Variants in ABCC2 observed in about 807,000 individuals in gnomAD.
ABCC2 encodes the protein ATP-binding cassette sub-family C member 2.
ABCC2 carries 157 observed loss-of-function variants against 173.4 expected under a neutral mutation model. The observed-to-expected ratio is 0.91, with a 90% confidence interval of 0.80 to 1.03. The LOEUF is 1.03. Ranked by LOEUF, ABCC2 falls within the 50% of genes least tolerant of loss-of-function variation. The pLI, the probability that ABCC2 is intolerant of heterozygous loss-of-function variation, is 0.00. For missense variants in ABCC2, 1,822 were observed against 1,852.3 expected, an observed-to-expected ratio of 0.98 and a Z score of 0.30; for synonymous variants, 657 against 693.5, an observed-to-expected ratio of 0.95 and a Z score of 0.83.
At chr10:99,816,532 G>A (rs537829035) in intron 16 of ABCC2, among the ~76,000 whole-genome samples, 4 of 141,796 alleles carry the variant, frequency 2.8e-5, no homozygotes, top group African/African-American at 1.1e-4. Context: ...CGCCCACTTC[G>A]GCCTCCCAAA....
intron 1 of ABCC2, 65 bp downstream of exon 1, chr10:99,782,942 A>G: frequency 6.4e-7 from 1 of 1,555,718 alleles, no homozygotes; most frequent in South Asian, 1.1e-5. Flanking sequence ...TAGTTAGTTA[A>G]CTTAGGGTGG....
chr10:99,801,639 C>T (rs951083440), intron 9 of ABCC2, among the ~76,000 whole-genome samples: 2 of 152,326 alleles, frequency 1.3e-5, no homozygotes, highest in Admixed American at 1.3e-4. Flanking sequence ...AATGAAAATA[C>T]AGTAGTTATG....
chr10:99,837,175 G>C (rs1455467009), intron 25 of ABCC2, among the ~76,000 whole-genome samples: 2 of 124,288 alleles, frequency 1.6e-5, no homozygotes, highest in African/African-American at 6.2e-5. Flanking sequence ...CCCTCTTGTT[G>C]CCCAGGCTGG....
Position 99,793,643 on chromosome 10 carries a change from T to C in ABCC2, c.426T>C (p.Cys142=). The change falls in exon 4 of 32, where the codon TGT becomes TGC. Residue 142 remains cysteine (C), a synonymous_variant. Transcript: ENST00000647814. ...LSLFWILSIL[C]GTFQFQTLIR... The stretch of plus-strand genomic sequence containing the variant: ...TATTCTGGATTCTCTCGATACTCTG[T>C]GGCACTTTCCAATTTCAGACTCTGA... 6.2e-7 allele frequency: 1 copy of C among 1,614,116 alleles called. No individual in the cohort carries two copies. Among genetic ancestry groups the C allele is most frequent in the Non-Finnish European group, 8.5e-7 (1 of 1,179,998 alleles).
intron 16 of ABCC2, among the ~76,000 whole-genome samples, chr10:99,814,214 T>TATACACACAC: frequency 2.1e-5 from 1 of 47,216 alleles, no homozygotes; most frequent in African/African-American, 1.0e-4. Context: ...TACACACATG[T>TATACACACAC]GTATATATAC....
chr10:99,845,010 CTTTT>C (rs1362643586), intron 28 of ABCC2, among the ~76,000 whole-genome samples: 1 of 151,966 alleles, frequency 6.6e-6, no homozygotes, highest in Non-Finnish European at 1.5e-5. Context: ...AAGCATTTTT[CTTTT>C]TTCTTTATTT....
intron 19 of ABCC2, among the ~76,000 whole-genome samples, chr10:99,822,981 T>A (rs558601639): frequency 6.6e-5 from 10 of 151,980 alleles, no homozygotes; most frequent in Non-Finnish European, 1.5e-4. Flanking sequence ...AAATGTTTTT[T>A]TAACATGGGA....
rs180864772 is a variant in ABCC2, at chr10:99,815,188, C to A, written c.2094+2044C>A. 1.4e-4 allele frequency among the ~76,000 whole-genome samples: 22 copies of A among 152,192 alleles called. No homozygotes were observed. In the East Asian group the frequency reaches 4.2e-3, roughly 29 times the overall value. On this transcript the variant is annotated intron_variant, in intron 16 of 31. Transcript: ENST00000647814. Reference sequence around the variant, plus strand: ...TTCAACTCCCAGTTATAAGTGAGAACAAGCAGTGTTTGGTTTTCTGTTCCT... The same window carrying A: ...TTCAACTCCCAGTTATAAGTGAGAAAAAGCAGTGTTTGGTTTTCTGTTCCT...
chr10:99,814,095 A>ATATACACATATATGTG (rs2038267718), intron 16 of ABCC2, among the ~76,000 whole-genome samples: 3 of 135,292 alleles, frequency 2.2e-5, no homozygotes, highest in African/African-American at 5.5e-5. Flanking sequence ...ATATACACAT[A>ATATACACATATATGTG]TATATACACA....
chr10:99,851,597 C>T lies in ABCC2; in HGVS notation c.4604C>T (p.Ala1535Val). 1 of 1,614,192 alleles carries T rather than the reference C, an allele frequency of 6.2e-7. No homozygotes were observed. Residue 1535 changes from alanine (A) to valine (V), a missense_variant, in exon 32 of 32, where the codon GCT becomes GTT. By Grantham distance (64) the Ala-to-Val change is moderately conservative. Transcript: ENST00000647814. Reference protein sequence around the residue: ...PGPFYFMAKEAGIENVNSTKF With the variant: ...PGPFYFMAKEVGIENVNSTKF ...CCCTTTTACTTTATGGCTAAGGAAGCTGGCATTGAGAATGTGAACAGCACA... is the reference window on the plus strand; with the variant it reads ...CCCTTTTACTTTATGGCTAAGGAAGTTGGCATTGAGAATGTGAACAGCACA...
In ABCC2 at chr10:99,806,077, C is replaced by CTCTCTGTCTCTCTGTG. The variant is rs10644836; in HGVS notation, c.1530+631_1530+632insCTCTGTCTCTCTGTGT. On this transcript the variant is annotated intron_variant, in intron 11 of 31. Transcript: ENST00000647814. ...TCTACTACAGTCTCTCTCTCTCTGT[C>CTCTCTGTCTCTCTGTG]TGTGTGTGTGTGTGTGTGTGTGTGT... 4.9e-4 allele frequency among the ~76,000 whole-genome samples: 72 copies of CTCTCTGTCTCTCTGTG among 148,148 alleles called. 1 individual carries two copies. Among genetic ancestry groups the CTCTCTGTCTCTCTGTG allele is most frequent in the African/African-American group, 1.4e-3 (55 of 39,814 alleles).
In ABCC2 at chr10:99,800,551, T is replaced by C. The variant is rs1388943682; in HGVS notation, c.1197T>C (p.Ser399=). ...GVKVRTAIMA[S]VYKKALTLSN... is the part of the protein sequence containing the mutation. Reference sequence around the variant, plus strand: ...AAGTACGGACAGCTATCATGGCTTCTGTATATAAGAAGGTAAGCAGAATAC... The same window carrying C: ...AAGTACGGACAGCTATCATGGCTTCCGTATATAAGAAGGTAAGCAGAATAC... Residue 399 remains serine (S), a synonymous_variant, in exon 9 of 32, where the codon TCT becomes TCC. Coordinates refer to ENST00000647814, the MANE Select transcript of ABCC2 (RefSeq NM_000392.5). The C allele has an allele frequency of 6.2e-7, 1 of 1,614,186 alleles. No homozygotes were observed. The highest frequency in any genetic ancestry group is 1.1e-5 in the South Asian group (1 of 91,090).
intron 26 of ABCC2, among the ~76,000 whole-genome samples, 184 bp downstream of exon 26, chr10:99,842,277 C>T (rs535657642): frequency 4.3e-4 from 65 of 152,294 alleles, no homozygotes; most frequent in African/African-American, 1.5e-3. Context: ...CCTAAGTAGA[C>T]ATGAATGCCA....
intron 8 of ABCC2, 34 bp from the exon 9 acceptor site, chr10:99,800,352 T>C (rs774572403): frequency 6.2e-7 from 1 of 1,613,470 alleles, no homozygotes; most frequent in East Asian, 2.2e-5. Context: ...TTGGAGGCCT[T>C]ATGGGTATAA....
At position 99,842,110 on chromosome 10, in the gene ABCC2, G is replaced by A; in HGVS notation, c.3741+17G>A. 1 of 1,614,048 alleles carries A rather than the reference G, an allele frequency of 6.2e-7. No homozygotes were observed. The highest frequency in any genetic ancestry group is 8.5e-7 in the Non-Finnish European group (1 of 1,179,988). ...GCACTCAATGTGAGTTTGAAGGTTG[G>A]GAGTTTGGTTTCGTTAGTGTGCTTA... On this transcript the variant is annotated intron_variant, in intron 26 of 31. Coordinates refer to ENST00000647814, the MANE Select transcript of ABCC2 (RefSeq NM_000392.5).
intron 17 of ABCC2, 121 bp from the exon 18 acceptor site, chr10:99,818,669 T>C: frequency 1.0e-6 from 1 of 983,766 alleles, no homozygotes; most frequent in Non-Finnish European, 1.5e-6. Flanking sequence ...AAGGAACTTG[T>C]AAGATTTTTA....
At chr10:99,836,511 C>T (rs1429417701) in intron 25 of ABCC2, among the ~76,000 whole-genome samples, 1 of 152,236 alleles carries the variant, frequency 6.6e-6, no homozygotes, top group Non-Finnish European at 1.5e-5. Context: ...ATTGCCTTGA[C>T]TTCTCTAAGG....
rs1482121206 is a variant in ABCC2, at chr10:99,844,434, G to A, written c.3956G>A (p.Gly1319Glu). 3.7e-6 allele frequency: 6 copies of A among 1,614,132 alleles called. 1 individual carries two copies. In the South Asian group the frequency reaches 5.5e-5, roughly 15 times the overall value. ...YRPELDLVLRGITCDIGSMEK... is the reference protein window; with the variant it reads ...YRPELDLVLREITCDIGSMEK... ...CCTGAGCTGGATCTGGTCCTCAGAG[G>A]GATCACTTGTGACATCGGTAGCATG... Residue 1319 changes from glycine to glutamate, a missense_variant, in exon 28 of 32, where the codon GGG (glycine) becomes GAG (glutamate). Coordinates refer to ENST00000647814, the MANE Select transcript of ABCC2 (RefSeq NM_000392.5).
intron 23 of ABCC2, among the ~76,000 whole-genome samples, chr10:99,832,538 G>A (rs1184160401): frequency 1.3e-5 from 2 of 152,222 alleles, no homozygotes; most frequent in Non-Finnish European, 2.9e-5. Context: ...GCAAGGGTTG[G>A]GGGATGGCAG....
Sources: allele counts gnomAD v4.1 joint callset (sites outside exome capture counted in the v4.1 genomes callset), GRCh38; gene constraint gnomAD v4.1.1; transcripts MANE v1.5; gene names NCBI Gene and HGNC (gene_info 2026-07-23, HGNC 2026-07-21).